Variants in RGS20 observed in about 807,000 individuals in gnomAD.
RGS20 encodes regulator of G protein signaling 20.
In RGS20, 30 loss-of-function variants were observed where a neutral mutation model predicts 33.6. The ratio of observed to expected loss-of-function variants is 0.89; its 90% CI spans 0.67 to 1.21. RGS20 has a LOEUF of 1.21. Ranked by LOEUF, RGS20 falls within the 50% of genes most tolerant of loss-of-function variation. The pLI is 0.00. For missense variants in RGS20, 472 were observed against 502.4 expected (o/e 0.94, Z 0.58); for synonymous variants, 208 against 197.9 (o/e 1.05, Z -0.43).
intron 2 of RGS20, among the ~76,000 whole-genome samples, chr8:53,881,428 T>C (rs965373660): frequency 3.9e-5 from 6 of 152,018 alleles, no homozygotes; most frequent in African/African-American, 9.7e-5. Context: ...AGAAATCGCA[T>C]TGACCACCCG....
At chr8:53,930,433 T>C (rs754139104) in intron 2 of RGS20, among the ~76,000 whole-genome samples, 2 of 152,234 alleles carry the variant, frequency 1.3e-5, no homozygotes, top group Non-Finnish European at 2.9e-5. Context: ...TTTCATGGAC[T>C]GATTGGGAAG....
chr8:53,943,612 ATTC>A (rs1166653659), intron 3 of RGS20, among the ~76,000 whole-genome samples: 1 of 152,224 alleles, frequency 6.6e-6, no homozygotes, highest in Non-Finnish European at 1.5e-5. Flanking sequence ...ACAAAAAAAA[ATTC>A]TTCTCTTTTT....
chr8:53,885,352 G>C (rs1041286246), intron 2 of RGS20, among the ~76,000 whole-genome samples: 1 of 152,180 alleles, frequency 6.6e-6, no homozygotes, highest in Admixed American at 6.5e-5. Context: ...GGTGGCTCAC[G>C]CCTGTAATCC....
intron 2 of RGS20, among the ~76,000 whole-genome samples, chr8:53,935,240 G>A (rs1449656038): frequency 2.0e-5 from 3 of 152,038 alleles, no homozygotes; most frequent in Admixed American, 6.6e-5. Context: ...GCCAGCAGAA[G>A]ACAACAGATA....
At chr8:53,860,592 AT>A (rs1235451259) in intron 1 of RGS20, among the ~76,000 whole-genome samples, 10 of 152,228 alleles carry the variant, frequency 6.6e-5, no homozygotes, top group Admixed American at 5.9e-4. Flanking sequence ...ACTGCCTCTA[AT>A]AGCTGTGGCT....
intron 1 of RGS20, among the ~76,000 whole-genome samples, chr8:53,864,889 C>T (rs921394514): frequency 6.6e-6 from 1 of 152,188 alleles, no homozygotes; most frequent in African/African-American, 2.4e-5. Context: ...CATATCAAGG[C>T]AGTGCCAACC....
intron 2 of RGS20, among the ~76,000 whole-genome samples, chr8:53,920,584 A>T (rs1337437859): frequency 6.6e-6 from 1 of 152,140 alleles, no homozygotes; most frequent in Non-Finnish European, 1.5e-5. Context: ...TAGAAGTGGT[A>T]AAAGTAGATT....
At chr8:53,928,783 A>C (rs1247774173) in intron 2 of RGS20, among the ~76,000 whole-genome samples, 2 of 151,818 alleles carry the variant, frequency 1.3e-5, no homozygotes, top group African/African-American at 4.8e-5. Context: ...AGATCACACC[A>C]TTGCACTCCA....
intron 2 of RGS20, chr8:53,914,758 T>C (rs1423993118): frequency 6.6e-6 from 1 of 151,962 alleles, no homozygotes; most frequent in Non-Finnish European, 1.5e-5. Context: ...ATTGGAACAA[T>C]ACAGAGAAAT....
chr8:53,861,311 G>A (rs542393251), intron 1 of RGS20, among the ~76,000 whole-genome samples: 2 of 152,328 alleles, frequency 1.3e-5, no homozygotes, highest in South Asian at 4.1e-4. Flanking sequence ...CACAAGCTGT[G>A]AAGTTCTTGT....
intron 2 of RGS20, among the ~76,000 whole-genome samples, chr8:53,930,131 C>T (rs889107700): frequency 6.6e-6 from 1 of 152,122 alleles, no homozygotes; most frequent in Non-Finnish European, 1.5e-5. Context: ...TAAAAAGGTA[C>T]AGGAAGCAAA....
chr8:53,904,063 C>T (rs1813101136), intron 2 of RGS20, among the ~76,000 whole-genome samples: 1 of 151,456 alleles, frequency 6.6e-6, no homozygotes, highest in African/African-American at 2.4e-5. Flanking sequence ...GAGATAGTAA[C>T]ACTGCTTACC....
At chr8:53,915,184 T>C (rs2129284780) in intron 2 of RGS20, among the ~76,000 whole-genome samples, 1 of 151,930 alleles carries the variant, frequency 6.6e-6, no homozygotes, top group African/African-American at 2.4e-5. Flanking sequence ...AAATCAAACT[T>C]TAGTGCCCTC....
intron 1 of RGS20, among the ~76,000 whole-genome samples, chr8:53,871,710 G>A (rs1399794117): frequency 6.6e-6 from 1 of 152,102 alleles, no homozygotes; most frequent in Non-Finnish European, 1.5e-5. Flanking sequence ...AGGACAGAGA[G>A]ATCTTTCAAA....
intron 2 of RGS20, among the ~76,000 whole-genome samples, chr8:53,938,094 T>C (rs1164805780): frequency 1.3e-5 from 2 of 152,208 alleles, no homozygotes; most frequent in East Asian, 1.9e-4. Context: ...CATATGTTTA[T>C]TGAGGCACTG....
chr8:53,945,761 G>A (rs1814455461), intron 3 of RGS20, among the ~76,000 whole-genome samples: 1 of 152,048 alleles, frequency 6.6e-6, no homozygotes, highest in Non-Finnish European at 1.5e-5. Context: ...AAAGTAGCCG[G>A]GCGTGTTGGC....
At position 53,868,726 on chromosome 8, in the gene RGS20, A is replaced by G. The variant is rs1457595300; in HGVS notation, c.166-10532A>G. 2.0e-5 allele frequency among the ~76,000 whole-genome samples: 3 copies of G among 152,126 alleles called. No individual in the cohort carries two copies. In the East Asian group the frequency reaches 5.8e-4, roughly 29 times the overall value. On this transcript the variant is annotated intron_variant, in intron 1 of 5. Coordinates refer to ENST00000297313, the MANE Select transcript of RGS20 (RefSeq NM_170587.4). ...TGAATTTTTAAAATTGTAAACCTCCATGATAAGAAAATATAGCAGTTTGGA... is the reference window on the plus strand; with the variant it reads ...TGAATTTTTAAAATTGTAAACCTCCGTGATAAGAAAATATAGCAGTTTGGA...
At chr8:53,893,133 A>G (rs1279343065) in intron 2 of RGS20, among the ~76,000 whole-genome samples, 17 of 152,218 alleles carry the variant, frequency 1.1e-4, no homozygotes. Flanking sequence ...ATATTAAAAA[A>G]TATTAAGAAA....
Position 53,939,663 on chromosome 8 carries a change from G to A in RGS20, c.598G>A (p.Ala200Thr). ...AGGCGCCGCCCCAGGCCAGCCCGGAGCGGGGAGTCGCGGGTCCAACGCATG... is the reference window on the plus strand; with the variant it reads ...AGGCGCCGCCCCAGGCCAGCCCGGAACGGGGAGTCGCGGGTCCAACGCATG... Residue 200 changes from alanine to threonine, a missense_variant, in exon 3 of 6, where the codon GCG becomes ACG. Ala to Thr is a moderately conservative substitution (Grantham distance 58). This residue lies in a region of RGS20 where 319 missense variants were observed against 283.4 expected (regional missense o/e 1.13). Transcript: ENST00000297313. 6.3e-7 allele frequency: 1 copy of A among 1,581,564 alleles called. No individual in the cohort carries two copies. The highest frequency in any genetic ancestry group is 8.6e-7 in the Non-Finnish European group (1 of 1,164,162).
Sources: allele counts gnomAD v4.1 joint callset (sites outside exome capture counted in the v4.1 genomes callset), GRCh38; gene constraint gnomAD v4.1.1; regional missense constraint gnomAD v4.1.1; transcripts MANE v1.5; gene names NCBI Gene and HGNC (gene_info 2026-07-23, HGNC 2026-07-21).